The following PCDHA2 variants were observed in gnomAD, a reference collection of about 807,000 sequenced individuals.
PCDHA2 encodes protocadherin alpha-2.
Under a neutral mutation model 66.0 loss-of-function variants are expected in PCDHA2, and 58 were observed. The observed-to-expected ratio is 0.88, with a 90% CI of 0.71 to 1.09. The LOEUF is 1.09. Among genes scored for constraint, PCDHA2 ranks in the 50% least tolerant of loss-of-function variants. The pLI is 0.00. For missense variants in PCDHA2, 1,267 were observed against 1,242.3 expected (o/e 1.02, Z -0.30); for synonymous variants, 634 against 554.0 (o/e 1.14, Z -2.03).
chr5:140,899,485 G>T (rs2067355642), intron 1 of PCDHA2, among the ~76,000 whole-genome samples: 2 of 152,140 alleles, frequency 1.3e-5, no homozygotes, highest in African/African-American at 4.8e-5. Flanking sequence ...TTATATGCTG[G>T]ATTACATTTA....
intron 1 of PCDHA2, 129 bp downstream of exon 1, chr5:140,797,481 T>C: frequency 9.3e-7 from 1 of 1,074,610 alleles, no homozygotes; most frequent in African/African-American, 1.6e-5. Context: ...CGATTTTGAA[T>C]ATGAATTAGA....
intron 1 of PCDHA2, among the ~76,000 whole-genome samples, chr5:140,962,962 A>G (rs1273558602): frequency 1.3e-5 from 2 of 152,194 alleles, no homozygotes; most frequent in South Asian, 2.1e-4. Flanking sequence ...CTATCCCTAT[A>G]TAGGAAATTT....
At chr5:140,923,434 G>A (rs1461886077) in intron 1 of PCDHA2, among the ~76,000 whole-genome samples, 1 of 152,088 alleles carries the variant, frequency 6.6e-6, no homozygotes, top group Non-Finnish European at 1.5e-5. Context: ...AGGCTGGGGT[G>A]GGAGGATCAC....
chr5:140,891,861 T>C (rs1346164388), intron 1 of PCDHA2, among the ~76,000 whole-genome samples: 1 of 152,174 alleles, frequency 6.6e-6, no homozygotes, highest in Non-Finnish European at 1.5e-5. Context: ...GTCCCTCTCT[T>C]ATGCTTTTGG....
chr5:140,877,310 C>A, intron 1 of PCDHA2: 2 of 1,613,938 alleles, frequency 1.2e-6, no homozygotes, highest in Non-Finnish European at 1.7e-6. Context: ...GAGTTGCAAC[C>A]GGCGGCGGTC....
At chr5:140,833,823 A>G (rs1772674429) in intron 1 of PCDHA2, among the ~76,000 whole-genome samples, 3 of 152,162 alleles carry the variant, frequency 2.0e-5, no homozygotes, top group Admixed American at 1.3e-4. Flanking sequence ...CTGGGTCCCT[A>G]AAAGAGTACA....
chr5:140,822,550 T>C, intron 1 of PCDHA2: 1 of 1,613,768 alleles, frequency 6.2e-7, no homozygotes, highest in Non-Finnish European at 8.5e-7. Context: ...AAGTGGGACA[T>C]TAGTTATTAA....
intron 1 of PCDHA2, chr5:140,852,270 CAT>C (rs1193934371): frequency 1.4e-5 from 7 of 503,434 alleles, no homozygotes; most frequent in South Asian, 1.7e-4. Context: ...TACAATATTA[CAT>C]GTTTTTTGTC....
At chr5:140,920,841 TAAA>T (rs781921146) in intron 1 of PCDHA2, among the ~76,000 whole-genome samples, 2 of 109,226 alleles carry the variant, frequency 1.8e-5, no homozygotes, top group Non-Finnish European at 3.9e-5. Context: ...AGACCAAATC[TAAA>T]AAAAAAAAAA....
chr5:140,964,596 G>A (rs1368654948), intron 1 of PCDHA2, among the ~76,000 whole-genome samples: 2 of 152,104 alleles, frequency 1.3e-5, no homozygotes, highest in African/African-American at 4.8e-5. Flanking sequence ...CACTTTTCAT[G>A]ACAACTTACA....
chr5:140,990,524 G>T (rs782064217), intron 3 of PCDHA2, among the ~76,000 whole-genome samples: 2 of 151,978 alleles, frequency 1.3e-5, no homozygotes, highest in Non-Finnish European at 2.9e-5. Flanking sequence ...TGTCTTTTTT[G>T]ACTGTGCATC....
chr5:140,912,878 T>C (rs2076104558), intron 1 of PCDHA2, among the ~76,000 whole-genome samples: 1 of 152,236 alleles, frequency 6.6e-6, no homozygotes, highest in Non-Finnish European at 1.5e-5. Flanking sequence ...GTTTTTGGTC[T>C]TCATTCTGTT....
At chr5:140,996,933 T>G (rs2097753695) in intron 3 of PCDHA2, among the ~76,000 whole-genome samples, 1 of 152,186 alleles carries the variant, frequency 6.6e-6, no homozygotes, top group African/African-American at 2.4e-5. Flanking sequence ...ATATAGCATT[T>G]TTGCATAGAA....
chr5:140,806,052 C>T (rs1019099604), intron 1 of PCDHA2, among the ~76,000 whole-genome samples: 1 of 152,096 alleles, frequency 6.6e-6, no homozygotes, highest in African/African-American at 2.4e-5. Context: ...ATGGCCCACG[C>T]GATTCCACCC....
At chr5:140,905,669 A>G (rs781948009) in intron 1 of PCDHA2, among the ~76,000 whole-genome samples, 11 of 152,228 alleles carry the variant, frequency 7.2e-5, no homozygotes, top group Admixed American at 2.0e-4. Flanking sequence ...ATCCATTAAC[A>G]TGGAACATAT....
chr5:140,882,156 A>C (rs1582595846), intron 1 of PCDHA2: 2 of 1,504,204 alleles, frequency 1.3e-6, no homozygotes, highest in Non-Finnish European at 1.8e-6. Flanking sequence ...AAAGCGGAAT[A>C]CCTCTTGCGA....
At chr5:140,884,396 C>A (rs2060144550) in intron 1 of PCDHA2, 2 of 1,614,012 alleles carry the variant, frequency 1.2e-6, no homozygotes, top group Middle Eastern at 1.6e-4. Flanking sequence ...GGTGTCCAGC[C>A]TGTTGGTGCT....
chr5:140,927,482 C>G, intron 1 of PCDHA2: 1 of 1,614,086 alleles, frequency 6.2e-7, no homozygotes, highest in Non-Finnish European at 8.5e-7. Flanking sequence ...GAACAGCGCG[C>G]CACCCACCTG....
At chr5:140,821,748 G>C (rs2150110401) in intron 1 of PCDHA2, 1 of 1,571,216 alleles carries the variant, frequency 6.4e-7, no homozygotes, top group Non-Finnish European at 8.6e-7. Context: ...TGATGCAATA[G>C]AAAGCTCATA....
Sources: gnomAD v4.1 joint callset for allele counts (sites outside exome capture counted in the v4.1 genomes callset) on GRCh38, gnomAD v4.1.1 for gene constraint, MANE v1.5 for transcripts, NCBI Gene and HGNC (gene_info 2026-07-23, HGNC 2026-07-21) for gene names.